Variants in GTF2H5 observed in about 807,000 individuals in gnomAD.
GTF2H5 encodes TFB5 ortholog.
In GTF2H5, 5 loss-of-function variants were observed where a neutral mutation model predicts 7.1. The ratio of observed to expected loss-of-function variants is 0.71; its 90% CI spans 0.37 to 1.49. The LOEUF (loss-of-function observed/expected upper bound fraction) is 1.49. Among genes scored for constraint, GTF2H5 ranks in the 40% most tolerant of loss-of-function variants. The pLI is 0.03. For synonymous variants in GTF2H5, 30 were observed against 31.7 expected, an observed-to-expected ratio of 0.95 and a Z score of 0.18; for missense variants, 80 against 83.0, an observed-to-expected ratio of 0.96 and a Z score of 0.14.
intron 2 of GTF2H5, among the ~76,000 whole-genome samples, chr6:158,174,789 C>G (rs761423556): frequency 1.3e-5 from 2 of 152,154 alleles, no homozygotes; most frequent in Non-Finnish European, 2.9e-5. Context: ...ATCACAATAG[C>G]AAAGAATCTG....
At chr6:158,170,048 G>C (rs1190442183) in intron 1 of GTF2H5, among the ~76,000 whole-genome samples, 2 of 151,704 alleles carry the variant, frequency 1.3e-5, no homozygotes, top group Non-Finnish European at 2.9e-5. Flanking sequence ...ACTAAAAGGA[G>C]GTGGTTGGGC....
chr6:158,171,069 A>G (rs376142493), intron 2 of GTF2H5, among the ~76,000 whole-genome samples: 1 of 152,188 alleles, frequency 6.6e-6, no homozygotes, highest in Admixed American at 6.5e-5. Context: ...GGTGCCTCTA[A>G]TATGAGCCAG....
At chr6:158,176,450 C>A (rs1483847358) in intron 2 of GTF2H5, among the ~76,000 whole-genome samples, 1 of 152,172 alleles carries the variant, frequency 6.6e-6, no homozygotes, top group African/African-American at 2.4e-5. Context: ...TGGTCTTGAA[C>A]TCCTGACCTC....
intron 2 of GTF2H5, among the ~76,000 whole-genome samples, chr6:158,171,973 A>G (rs531418243): frequency 1.3e-5 from 2 of 152,334 alleles, no homozygotes; most frequent in South Asian, 4.1e-4. Context: ...TTGACATAAC[A>G]TAAACATTTT....
chr6:158,193,573 G>A lies in GTF2H5; in HGVS notation c.*1416G>A, dbSNP rs572556952. 6.6e-6 allele frequency: 1 copy of A among 152,100 alleles called. No individual in the cohort carries two copies. Among genetic ancestry groups the A allele is most frequent in the Non-Finnish European group, 1.5e-5 (1 of 68,034 alleles). 9.4% of individuals were successfully genotyped at this position (152,100 alleles called of 1,614,324 possible). A position where few individuals can be genotyped will look rare whatever the true frequency, so the allele number is the denominator to read the frequency against. Reference sequence around the variant, plus strand: ...ACTGAATCTGGAAATTTTCAGTTAGGTATATTTTACATAATTCCCACCCAT... The same window carrying A: ...ACTGAATCTGGAAATTTTCAGTTAGATATATTTTACATAATTCCCACCCAT... On this transcript the variant is annotated 3_prime_UTR_variant, in exon 3 of 3. Coordinates refer to ENST00000607778, the MANE Select transcript of GTF2H5 (RefSeq NM_207118.3).
At chr6:158,175,010 ATGTGTG>A (rs200557393) in intron 2 of GTF2H5, among the ~76,000 whole-genome samples, 187 of 138,320 alleles carry the variant, frequency 1.4e-3, no homozygotes, top group Middle Eastern at 3.6e-3. Context: ...TGTGCCTGAG[ATGTGTG>A]TGTGTGTGTG....
chr6:158,194,465 C>T lies in GTF2H5; in HGVS notation c.*2308C>T, dbSNP rs1376783782. ...AAAAAGACAAATGGTTACAGAGAAA[C>T]AAACAGTTCCAGGTGCAGGGGCTCT... On this transcript the variant is annotated 3_prime_UTR_variant, in exon 3 of 3. Transcript: ENST00000607778. 1.3e-5 allele frequency: 2 copies of T among 152,196 alleles called. No individual in the cohort carries two copies. The highest frequency in any genetic ancestry group is 1.3e-4 in the Admixed American group (2 of 15,278). The allele number at this position is 152,196 out of a possible 1,614,324, so 9.4% of individuals were successfully genotyped here.
At chr6:158,177,512 A>G (rs1281936030) in intron 2 of GTF2H5, among the ~76,000 whole-genome samples, 1 of 152,212 alleles carries the variant, frequency 6.6e-6, no homozygotes, top group African/African-American at 2.4e-5. Context: ...ATCAGGGATA[A>G]GGTATGCAGG....
chr6:158,174,001 G>A (rs1051522429), intron 2 of GTF2H5, among the ~76,000 whole-genome samples: 3 of 152,146 alleles, frequency 2.0e-5, no homozygotes, highest in Non-Finnish European at 4.4e-5. Context: ...GTGCTGGTGG[G>A]GGTGGTTTTT....
intron 2 of GTF2H5, chr6:158,190,697 A>G: frequency 2.3e-6 from 1 of 439,774 alleles, no homozygotes; most frequent in Non-Finnish European, 4.5e-6. Flanking sequence ...TGTTTTCAGT[A>G]AATTATAGTG....
chr6:158,169,432 G>A (rs1442602524), intron 1 of GTF2H5, among the ~76,000 whole-genome samples: 2,285 of 56,800 alleles, frequency 0.04, 305 homozygotes, highest in African/African-American at 0.19. Context: ...ATAATATATT[G>A]TATATTATAT....
intron 2 of GTF2H5, among the ~76,000 whole-genome samples, chr6:158,172,512 C>T (rs1785871831): frequency 6.6e-6 from 1 of 152,038 alleles, no homozygotes; most frequent in Non-Finnish European, 1.5e-5. Flanking sequence ...GTTGGCCAGG[C>T]TGGTCTCGAT....
intron 2 of GTF2H5, among the ~76,000 whole-genome samples, chr6:158,188,158 G>A (rs1776960948): frequency 6.6e-6 from 1 of 152,114 alleles, no homozygotes; most frequent in Non-Finnish European, 1.5e-5. Flanking sequence ...AGTGAAGTGG[G>A]CACCACGGTC....
intron 2 of GTF2H5, among the ~76,000 whole-genome samples, chr6:158,191,673 G>A (rs1439789509): frequency 2.6e-5 from 4 of 152,092 alleles, no homozygotes; most frequent in South Asian, 2.1e-4. Context: ...TAGTAGAGAC[G>A]GGGTTTCACC....
At chr6:158,170,736 G>C (rs952717127) in intron 2 of GTF2H5, among the ~76,000 whole-genome samples, 198 bp downstream of exon 2, 6 of 152,190 alleles carry the variant, frequency 3.9e-5, no homozygotes, top group Admixed American at 3.9e-4. Context: ...GAACTGGCAT[G>C]ATCAGAGGCA....
chr6:158,182,750 A>G (rs1401874211), intron 2 of GTF2H5, among the ~76,000 whole-genome samples: 2 of 151,906 alleles, frequency 1.3e-5, no homozygotes. Flanking sequence ...TCTTCTCTAC[A>G]CTGGTTATTC....
At position 158,169,759 on chromosome 6, in the gene GTF2H5, G is replaced by A. The variant is rs376634977; in HGVS notation, c.-34-711G>A. 1.2e-4 allele frequency among the ~76,000 whole-genome samples: 6 copies of A among 51,660 alleles called. 1 individual carries two copies. The highest frequency in any genetic ancestry group is 1.5e-3 in the East Asian group (2 of 1,300). The allele number at this position is 51,660 out of a possible 152,430, so 33.9% of individuals were successfully genotyped here. ...TATATTATATATTATATAATATATT[G>A]TATATTATATATAATATATTGTATA... On this transcript the variant is annotated intron_variant, in intron 1 of 2. Coordinates refer to ENST00000607778, the MANE Select transcript of GTF2H5 (RefSeq NM_207118.3).
At chr6:158,170,430 A>G (rs1230392739) in intron 1 of GTF2H5, 40 bp from the exon 2 acceptor site, 1 of 1,206,930 alleles carries the variant, frequency 8.3e-7, no homozygotes, top group African/African-American at 1.5e-5. Flanking sequence ...TATGAAAGTT[A>G]ATGATTTTTA....
At chr6:158,168,536 C>G (rs1785675339) in intron 1 of GTF2H5, 141 bp downstream of exon 1, 1 of 152,430 alleles carries the variant, frequency 6.6e-6, no homozygotes. Flanking sequence ...CCCCCACTCT[C>G]TCCGGGCCCT....
Sources: gnomAD v4.1 joint callset for allele counts (sites outside exome capture counted in the v4.1 genomes callset) on GRCh38, gnomAD v4.1.1 for gene constraint, MANE v1.5 for transcripts, NCBI Gene and HGNC (gene_info 2026-07-23, HGNC 2026-07-21) for gene names.